Variants in NBPF11 observed in about 807,000 individuals in gnomAD.
NBPF11 encodes the protein NBPF member 11.
In NBPF11, 72 loss-of-function variants were observed where a neutral mutation model predicts 93.9. That is an observed-to-expected ratio of 0.77 (90% CI 0.63 to 0.93). The LOEUF is 0.93. NBPF11 is among the 40% of genes least tolerant of loss of function. The pLI, the probability that NBPF11 is intolerant of heterozygous loss-of-function variation, is 0.00. For synonymous variants in NBPF11, 224 were observed against 304.9 expected (o/e 0.73, Z 2.76); for missense variants, 705 against 802.2 (o/e 0.88, Z 1.46).
chr1:148,149,071 C>G lies in NBPF11; in HGVS notation c.-549+2679G>C, dbSNP rs1341273887. On this transcript the variant is annotated intron_variant, in intron 1 of 23. Transcript: ENST00000682118. ...TGGCTGAGTGGGGAGACTGGAGGGT[C>G]GCATCCGGAGCTGGGCCCGGGGACG... is the stretch of plus-strand genomic sequence containing the variant. 5.3e-6 allele frequency: 6 copies of G among 1,121,890 alleles called. No homozygotes were observed. The South Asian group carries it at 9.1e-5, about 17-fold the overall frequency. The allele number at this position is 1,121,890 out of a possible 1,614,324, so 69.5% of individuals were successfully genotyped here.
chr1:148,138,548 G>A (rs1671706294), intron 2 of NBPF11, among the ~76,000 whole-genome samples: 1 of 151,808 alleles, frequency 6.6e-6, no homozygotes, highest in Admixed American at 6.6e-5. Context: ...AGATTAGGGA[G>A]TGGTGATGAC....
intron 16 of NBPF11, 109 bp downstream of exon 16, chr1:148,110,269 C>G: frequency 7.0e-7 from 1 of 1,438,154 alleles, no homozygotes; most frequent in African/African-American, 1.5e-5. Flanking sequence ...TAGGTTCAGC[C>G]CACAGTGATG....
chr1:148,122,036 C>T lies in NBPF11; in HGVS notation c.778+19G>A. 8.3e-6 allele frequency: 13 copies of T among 1,560,044 alleles called. No homozygotes were observed. In the South Asian group the frequency reaches 1.3e-4, roughly 16 times the overall value. On this transcript the variant is annotated intron_variant, in intron 9 of 23. Transcript: ENST00000682118. Reference sequence around the variant, plus strand: ...ATAGCCTAGACAGAGGTATGAGACACAAGGAAAATAGAGGCTACCTGGGAG... The same window carrying T: ...ATAGCCTAGACAGAGGTATGAGACATAAGGAAAATAGAGGCTACCTGGGAG...
chr1:148,146,783 T>G, intron 1 of NBPF11: 36 of 1,613,348 alleles, frequency 2.2e-5, no homozygotes, highest in Non-Finnish European at 3.1e-5. Context: ...ATGAGCAGCT[T>G]CTACATTGGC....
At chr1:148,111,376 T>C (rs1665223853) in intron 15 of NBPF11, among the ~76,000 whole-genome samples, 1 of 151,914 alleles carries the variant, frequency 6.6e-6, no homozygotes, top group South Asian at 2.1e-4. Flanking sequence ...TCGCCAGCAA[T>C]GGAACAAAGC....
chr1:148,126,684 C>A (rs2149251660), intron 5 of NBPF11, 145 bp downstream of exon 5: 1 of 651,286 alleles, frequency 1.5e-6, no homozygotes, highest in Admixed American at 2.4e-5. Context: ...TACTTTGGTA[C>A]CTCTGTCTTC....
intron 1 of NBPF11, chr1:148,146,858 G>A (rs1262321493): frequency 1.2e-6 from 2 of 1,613,802 alleles, no homozygotes; most frequent in South Asian, 2.2e-5. Flanking sequence ...GCCAGCTCGG[G>A]CAGGCCTTCC....
At chr1:148,120,315 G>A (rs1281225489) in intron 10 of NBPF11, among the ~76,000 whole-genome samples, 186 bp downstream of exon 10, 1 of 151,614 alleles carries the variant, frequency 6.6e-6, no homozygotes, top group African/African-American at 2.4e-5. Flanking sequence ...TTGCAAACAT[G>A]GAAAGTTGCT....
At chr1:148,111,882 A>C (rs1245041142) in intron 15 of NBPF11, among the ~76,000 whole-genome samples, 2 of 150,874 alleles carry the variant, frequency 1.3e-5, no homozygotes, top group African/African-American at 4.9e-5. Flanking sequence ...CCAACATTCA[A>C]ATTCAGGAAA....
At chr1:148,106,549 A>C (rs1471386465) in intron 20 of NBPF11, among the ~76,000 whole-genome samples, 9,619 of 130,600 alleles carry the variant, frequency 0.074, 980 homozygotes, top group Middle Eastern at 0.12. Flanking sequence ...AGGAAAACTA[A>C]AGTATTCAGC....
Position 148,108,574 on chromosome 1 carries a change from A to G in NBPF11, c.1934T>C (p.Val645Ala), listed in dbSNP as rs371954812. 40 of 1,596,554 alleles carry G rather than the reference A, an allele frequency of 2.5e-5. No homozygotes were observed. The African/African-American group carries it at 4.4e-4, about 17-fold the overall frequency. ...SLDRCYSTPSVYLGLTDSCQP... is the reference protein window; with the variant it reads ...SLDRCYSTPSAYLGLTDSCQP... Reference sequence around the variant, plus strand: ...GCATGAGTCAGTCAGTCCAAGATAAACTGAAGGAGTTGAATAACATCTATC... The same window carrying G: ...GCATGAGTCAGTCAGTCCAAGATAAGCTGAAGGAGTTGAATAACATCTATC... Residue 645 changes from valine (V) to alanine (A), a missense_variant, in exon 18 of 24, where the codon GTT becomes GCT. Val to Ala is a moderately conservative substitution (Grantham distance 64). Coordinates refer to ENST00000682118, the MANE Select transcript of NBPF11 (RefSeq NM_001385469.3).
intron 1 of NBPF11, among the ~76,000 whole-genome samples, chr1:148,144,678 T>C (rs1356554250): frequency 6.6e-6 from 1 of 151,966 alleles, no homozygotes; most frequent in Non-Finnish European, 1.5e-5. Context: ...ATAAAAATTA[T>C]TAAAACTAAA....
chr1:148,108,541 T>A lies in NBPF11; in HGVS notation c.1967A>T (p.Tyr656Phe). The A allele has an allele frequency of 6.2e-7, 1 of 1,602,872 alleles. No homozygotes were observed. The highest frequency in any genetic ancestry group is 1.1e-5 in the South Asian group (1 of 90,834). ...YLGLTDSCQP[Y>F]RSAFYVLEQQ... ...CTCCAATACGTAAAAGGCACTTCTG[T>A]AGGGCTGGCATGAGTCAGTCAGTCC... The change falls in exon 18 of 24, where the codon TAC (tyrosine) becomes TTC (phenylalanine). Residue 656 changes from tyrosine to phenylalanine, a missense_variant. Physicochemically the swap from Tyr to Phe is conservative, Grantham distance 22 (BLOSUM62 3). This residue lies in a region of NBPF11 where 97 missense variants were observed against 65.0 expected (regional missense o/e 1.49). Coordinates refer to ENST00000682118, the MANE Select transcript of NBPF11 (RefSeq NM_001385469.3).
At chr1:148,120,989 T>C (rs1571443564) in intron 9 of NBPF11, among the ~76,000 whole-genome samples, 1 of 152,034 alleles carries the variant, frequency 6.6e-6, no homozygotes, top group Non-Finnish European at 1.5e-5. Context: ...GAGTGGCCAA[T>C]GTTTCTGTGT....
Position 148,112,112 on chromosome 1 carries a change from T to TC in NBPF11, c.1638-1572dup, listed in dbSNP as rs1201747255. Among the ~76,000 whole-genome samples, 230 of 138,150 alleles carry TC rather than the reference T, an allele frequency of 1.7e-3. 29 individuals are homozygous for TC. Among genetic ancestry groups the TC allele is most frequent in the African/African-American group, 6.8e-3 (225 of 33,076 alleles). 90.6% of individuals were successfully genotyped at this position (138,150 alleles called of 152,430 possible). A position where few individuals can be genotyped will look rare whatever the true frequency, so the allele number is the denominator to read the frequency against. On this transcript the variant is annotated intron_variant, in intron 15 of 23. Coordinates refer to ENST00000682118, the MANE Select transcript of NBPF11 (RefSeq NM_001385469.3). ...GAGCAATATTCAACATTCTTTTTTTTCCATATGTATAGTTTTCCTTTATTA... is the reference window on the plus strand; with the variant it reads ...GAGCAATATTCAACATTCTTTTTTTTCCCATATGTATAGTTTTCCTTTATTA...
intron 12 of NBPF11, among the ~76,000 whole-genome samples, chr1:148,117,126 A>G (rs1407545770): frequency 2.0e-5 from 3 of 151,914 alleles, no homozygotes; most frequent in South Asian, 2.1e-4. Context: ...CCCACATTTG[A>G]ATGCTTCAGA....
intron 1 of NBPF11, among the ~76,000 whole-genome samples, chr1:148,148,823 T>G (rs1331399743): frequency 6.6e-6 from 1 of 151,778 alleles, no homozygotes; most frequent in Non-Finnish European, 1.5e-5. Flanking sequence ...GTTCCCAGTG[T>G]GCACCTAGGG....
chr1:148,105,743 C>CAA (rs1191354060), intron 21 of NBPF11, among the ~76,000 whole-genome samples: 2 of 100,766 alleles, frequency 2.0e-5, no homozygotes, highest in African/African-American at 1.2e-4. Flanking sequence ...CACACACACA[C>CAA]ACAAACACAC....
intron 11 of NBPF11, 25 bp downstream of exon 11, chr1:148,118,595 G>T (rs1345486874): frequency 2.2e-5 from 35 of 1,593,202 alleles, no homozygotes; most frequent in African/African-American, 4.0e-5. Context: ...CTGCCCCCCT[G>T]CCTGCCCCCA....
Sources: gnomAD v4.1 joint callset for allele counts (sites outside exome capture counted in the v4.1 genomes callset) on GRCh38, gnomAD v4.1.1 for gene constraint, gnomAD v4.1.1 regional missense constraint, MANE v1.5 for transcripts, NCBI Gene and HGNC (gene_info 2026-07-23, HGNC 2026-07-21) for gene names.